The following DENND6A variants were observed in gnomAD, a reference collection of about 807,000 sequenced individuals.
DENND6A encodes the protein DENN domain containing 6A, also known as protein DENND6A.
A neutral mutation model predicts 95.5 loss-of-function variants in DENND6A; 43 were observed. The ratio of observed to expected loss-of-function variants is 0.45; its 90% CI spans 0.35 to 0.58. DENND6A has a LOEUF of 0.58. Ranked by LOEUF, DENND6A falls within the 20% of genes least tolerant of loss-of-function variation. The probability of loss-of-function intolerance (pLI) is 0.00; values close to 1 mark genes in which losing one functional copy is unlikely to be tolerated. For synonymous variants in DENND6A, 257 were observed against 260.4 expected, an observed-to-expected ratio of 0.99 and a Z score of 0.13; for missense variants, 574 against 736.0, an observed-to-expected ratio of 0.78 and a Z score of 2.55.
Position 57,646,436 on chromosome 3 carries a change from C to A in DENND6A, c.821G>T (p.Cys274Phe), listed in dbSNP as rs747859024. The A allele has an allele frequency of 1.7e-5, 28 of 1,612,432 alleles. No homozygotes were observed. Among genetic ancestry groups the A allele is most frequent in the Non-Finnish European group, 2.1e-5 (25 of 1,179,556 alleles). Residue 274 changes from cysteine to phenylalanine, a missense_variant and splice_region_variant, in exon 10 of 20, where the codon TGT (cysteine) becomes TTT (phenylalanine). Coordinates refer to ENST00000311128, the MANE Select transcript of DENND6A (RefSeq NM_152678.3). ...ACTATGAAGGAAAACTGGGCAGAAA[C>A]ACCTGAAAGGTGATGCACAGTAGAA... Reference protein sequence around the residue: ...PTVHEVDIFRCFCPVFLHSQM... With the variant: ...PTVHEVDIFRFFCPVFLHSQM...
chr3:57,630,360 A>C, intron 18 of DENND6A, 61 bp downstream of exon 18: 1 of 1,421,810 alleles, frequency 7.0e-7, no homozygotes, highest in Non-Finnish European at 9.5e-7. Context: ...TCAACTTCTA[A>C]GCATAATTAT....
intron 12 of DENND6A, among the ~76,000 whole-genome samples, chr3:57,640,136 G>C (rs2070892014): frequency 6.6e-6 from 1 of 151,800 alleles, no homozygotes; most frequent in Non-Finnish European, 1.5e-5. Flanking sequence ...AGGCGTGGTG[G>C]TGGGCGCCTG....
chr3:57,654,675 T>C, intron 9 of DENND6A: 1 of 985,154 alleles, frequency 1.0e-6, no homozygotes. Flanking sequence ...GAGGAAACTA[T>C]TTCTGTGATC....
At chr3:57,690,470 G>A (rs999090990) in intron 1 of DENND6A, among the ~76,000 whole-genome samples, 7 of 151,662 alleles carry the variant, frequency 4.6e-5, no homozygotes, top group Admixed American at 1.3e-4. Flanking sequence ...GCAGGGAGAC[G>A]AGATTGCCCC....
intron 12 of DENND6A, among the ~76,000 whole-genome samples, chr3:57,638,198 A>T (rs1169221564): frequency 1.3e-5 from 2 of 152,138 alleles, no homozygotes; most frequent in African/African-American, 4.8e-5. Context: ...GCAAAAAGAC[A>T]ATACAAAATA....
intron 1 of DENND6A, among the ~76,000 whole-genome samples, chr3:57,673,213 C>CAAAAAAA (rs386396751): frequency 2.0e-4 from 14 of 70,402 alleles, no homozygotes; most frequent in East Asian, 8.1e-4. Flanking sequence ...CATTTCGTAT[C>CAAAAAAA]AAAAAAAAAA....
chr3:57,660,678 A>C (rs1403287392), intron 7 of DENND6A, 82 bp downstream of exon 7: 58 of 1,271,154 alleles, frequency 4.6e-5, no homozygotes, highest in African/African-American at 6.2e-5. Flanking sequence ...ACTGTACTCC[A>C]GCCTGGGTGA....
intron 1 of DENND6A, among the ~76,000 whole-genome samples, chr3:57,677,286 C>T (rs1378824482): frequency 3.3e-5 from 5 of 152,150 alleles, no homozygotes; most frequent in Admixed American, 3.3e-4. Flanking sequence ...GGAAGATGGA[C>T]AGAAACCAAG....
chr3:57,684,634 A>C (rs551869104), intron 1 of DENND6A, among the ~76,000 whole-genome samples: 15 of 152,004 alleles, frequency 9.9e-5, no homozygotes, highest in Non-Finnish European at 2.1e-4. Flanking sequence ...AAAACAAAAA[A>C]GTAGCCAGGC....
At chr3:57,683,558 G>A (rs1161717212) in intron 1 of DENND6A, among the ~76,000 whole-genome samples, 3 of 152,090 alleles carry the variant, frequency 2.0e-5, no homozygotes, top group Non-Finnish European at 1.5e-5. Context: ...CCAACTAAAG[G>A]ATCACAAAAA....
chr3:57,662,429 C>T (rs2071440802), intron 5 of DENND6A, among the ~76,000 whole-genome samples: 1 of 151,898 alleles, frequency 6.6e-6, no homozygotes, highest in African/African-American at 2.4e-5. Context: ...TCTCAAACTC[C>T]TAGACTTAAG....
intron 1 of DENND6A, among the ~76,000 whole-genome samples, chr3:57,680,717 A>T (rs888391039): frequency 2.0e-5 from 3 of 152,348 alleles, no homozygotes; most frequent in African/African-American, 7.2e-5. Flanking sequence ...TAAAAAGACA[A>T]ATAACCCAAT....
intron 15 of DENND6A, among the ~76,000 whole-genome samples, chr3:57,631,604 A>G (rs562312780): frequency 1.2e-3 from 178 of 151,850 alleles, no homozygotes; most frequent in African/African-American, 3.9e-3. Flanking sequence ...GAATGATCCT[A>G]TGTGGTAGGT....
chr3:57,688,153 G>A (rs1276046333), intron 1 of DENND6A, among the ~76,000 whole-genome samples: 1 of 151,834 alleles, frequency 6.6e-6, no homozygotes, highest in East Asian at 1.9e-4. Flanking sequence ...GTGCCACCAA[G>A]CTGCCTATTT....
intron 14 of DENND6A, 117 bp from the exon 15 acceptor site, chr3:57,633,471 G>T: frequency 1.2e-6 from 1 of 819,988 alleles, no homozygotes; most frequent in Non-Finnish European, 1.9e-6. Context: ...TAAAAAACTA[G>T]AACTTCACCT....
At chr3:57,688,003 G>GTTT (rs35483457) in intron 1 of DENND6A, among the ~76,000 whole-genome samples, 1 of 143,996 alleles carries the variant, frequency 6.9e-6, no homozygotes, top group Non-Finnish European at 1.5e-5. Flanking sequence ...TTTTGGGTTT[G>GTTT]TTTTTTTTTT....
At chr3:57,646,160 A>G (rs1299685178) in intron 10 of DENND6A, among the ~76,000 whole-genome samples, 156 bp downstream of exon 10, 1 of 152,220 alleles carries the variant, frequency 6.6e-6, no homozygotes, top group Admixed American at 6.5e-5. Flanking sequence ...ATGGTGCTAT[A>G]ATAAGCATTA....
At chr3:57,645,034 C>T (rs192121098) in intron 11 of DENND6A, among the ~76,000 whole-genome samples, 5 of 151,610 alleles carry the variant, frequency 3.3e-5, no homozygotes, top group African/African-American at 9.7e-5. Context: ...AGAAGGTGAG[C>T]GATAGAGCAA....
At chr3:57,657,915 T>G (rs1359821708) in intron 8 of DENND6A, among the ~76,000 whole-genome samples, 180 bp from the exon 9 acceptor site, 5 of 151,580 alleles carry the variant, frequency 3.3e-5, no homozygotes, top group African/African-American at 9.7e-5. Context: ...TAGCAGAAAA[T>G]CAAAAATAAT....
Sources: allele counts gnomAD v4.1 joint callset (sites outside exome capture counted in the v4.1 genomes callset), GRCh38; gene constraint gnomAD v4.1.1; transcripts MANE v1.5; gene names NCBI Gene and HGNC (gene_info 2026-07-23, HGNC 2026-07-21).